Variants in APELA observed in about 807,000 individuals in gnomAD.
The protein encoded by APELA is protein Elabela.
intron 2 of APELA, among the ~76,000 whole-genome samples, chr4:164,882,169 T>C (rs1391440544): frequency 6.6e-6 from 1 of 152,154 alleles, no homozygotes; most frequent in Non-Finnish European, 1.5e-5. Context: ...AATGGTGCCA[T>C]CTCGGCTCAC....
chr4:164,881,622 G>T (rs56396348), intron 2 of APELA, among the ~76,000 whole-genome samples: 3 of 151,908 alleles, frequency 2.0e-5, no homozygotes. Flanking sequence ...GTCAGGAAAT[G>T]CAAGTCTACA....
At chr4:164,883,727 C>G (rs547636919) in intron 2 of APELA, among the ~76,000 whole-genome samples, 1 of 151,770 alleles carries the variant, frequency 6.6e-6, no homozygotes, top group East Asian at 1.9e-4. Flanking sequence ...CTCAAGCAAT[C>G]CTCTTACCTT....
chr4:164,880,137 A>G (rs182983438), intron 2 of APELA, among the ~76,000 whole-genome samples: 1 of 152,362 alleles, frequency 6.6e-6, no homozygotes, highest in African/African-American at 2.4e-5. Flanking sequence ...TCTGGTTAAC[A>G]TACACAGGCA....
At chr4:164,892,502 C>G (rs1730901491) in intron 2 of APELA, among the ~76,000 whole-genome samples, 1 of 152,048 alleles carries the variant, frequency 6.6e-6, no homozygotes, top group Non-Finnish European at 1.5e-5. Flanking sequence ...TCATAATGTT[C>G]TTCATATGTT....
intron 1 of APELA, 134 bp downstream of exon 1, chr4:164,877,541 G>T (rs1191188922): frequency 7.6e-6 from 3 of 396,116 alleles, no homozygotes; most frequent in Non-Finnish European, 8.9e-6. Context: ...AAATGTGTAG[G>T]ATTTTGAAAG....
At chr4:164,885,827 A>G (rs1730760080) in intron 2 of APELA, among the ~76,000 whole-genome samples, 1 of 152,124 alleles carries the variant, frequency 6.6e-6, no homozygotes, top group Admixed American at 6.5e-5. Flanking sequence ...CTCACTAGAC[A>G]CACACACATT....
At chr4:164,882,111 T>TTG (rs1730663990) in intron 2 of APELA, among the ~76,000 whole-genome samples, 1 of 151,738 alleles carries the variant, frequency 6.6e-6, no homozygotes, top group Non-Finnish European at 1.5e-5. Context: ...TAATTTATTT[T>TTG]TATTTTTTGA....
At chr4:164,877,495 C>A in intron 1 of APELA, 88 bp downstream of exon 1, 1 of 398,234 alleles carries the variant, frequency 2.5e-6, no homozygotes, top group South Asian at 1.3e-4. Context: ...ATCTGAAAAC[C>A]ACTTAGGTGT....
chr4:164,884,914 T>C (rs1279699968), intron 2 of APELA, among the ~76,000 whole-genome samples: 1 of 152,150 alleles, frequency 6.6e-6, no homozygotes, highest in Non-Finnish European at 1.5e-5. Flanking sequence ...TTATTACCCC[T>C]ATTAGTTACA....
Position 164,878,919 on chromosome 4 carries a change from G to A in APELA, c.77-1G>A. 1 of 398,900 alleles carries A rather than the reference G, an allele frequency of 2.5e-6. No homozygotes were observed. The highest frequency in any genetic ancestry group is 4.4e-6 in the Non-Finnish European group (1 of 225,998). The allele number at this position is 398,900 out of a possible 1,614,324, so 24.7% of individuals were successfully genotyped here. On this transcript the variant is annotated splice_acceptor_variant, in intron 1 of 2. Transcript: ENST00000507152. LOFTEE classifies it high-confidence loss of function. ...CTAATACTTCTCTCTTTTTCCTTCA[G>A]TTAATTTGACCATGAGAAGAAAACT...
At chr4:164,881,863 T>C (rs1435817007) in intron 2 of APELA, among the ~76,000 whole-genome samples, 5 of 130,532 alleles carry the variant, frequency 3.8e-5, no homozygotes, top group Non-Finnish European at 6.6e-5. Context: ...GATTTAACCT[T>C]GTCTCTACCA....
At chr4:164,892,761 A>G (rs1286326561) in intron 2 of APELA, among the ~76,000 whole-genome samples, 3 of 152,136 alleles carry the variant, frequency 2.0e-5, no homozygotes, top group Non-Finnish European at 2.9e-5. Context: ...AAGTTTCTTA[A>G]TTGCTAATTC....
At chr4:164,891,817 A>G (rs978922958) in intron 2 of APELA, among the ~76,000 whole-genome samples, 1 of 152,092 alleles carries the variant, frequency 6.6e-6, no homozygotes, top group Non-Finnish European at 1.5e-5. Context: ...AAGAACCTCC[A>G]AAGTAGTTCA....
chr4:164,883,009 C>T (rs902979907), intron 2 of APELA, among the ~76,000 whole-genome samples: 1 of 152,154 alleles, frequency 6.6e-6, no homozygotes, highest in Non-Finnish European at 1.5e-5. Flanking sequence ...GTCACCCTCA[C>T]TTGGTATTCA....
At chr4:164,881,485 T>G (rs1449718555) in intron 2 of APELA, among the ~76,000 whole-genome samples, 2 of 152,126 alleles carry the variant, frequency 1.3e-5, no homozygotes, top group Non-Finnish European at 1.5e-5. Context: ...CCTATGCAAC[T>G]GAATTAATTA....
chr4:164,884,119 A>G (rs202186870), intron 2 of APELA, among the ~76,000 whole-genome samples: 14 of 46,618 alleles, frequency 3.0e-4, no homozygotes, highest in Middle Eastern at 0.014. Flanking sequence ...GAAAGAAAGA[A>G]AGAGAAAGAA....
At chr4:164,880,262 G>T (rs1730631935) in intron 2 of APELA, among the ~76,000 whole-genome samples, 1 of 152,128 alleles carries the variant, frequency 6.6e-6, no homozygotes. Context: ...CAAACCCGGG[G>T]AAAGCCCTGT....
Sources: allele counts gnomAD v4.1 joint callset (sites outside exome capture counted in the v4.1 genomes callset), GRCh38; gene constraint gnomAD v4.1.1; transcripts MANE v1.5; gene names NCBI Gene and HGNC (gene_info 2026-07-23, HGNC 2026-07-21).